CASP6: variants seen among roughly 807,000 people sequenced by gnomAD.
CASP6 encodes caspase-6.
A neutral mutation model predicts 31.8 loss-of-function variants in CASP6; 20 were observed. The ratio of observed to expected loss-of-function variants is 0.63; its 90% CI spans 0.44 to 0.91. The LOEUF (loss-of-function observed/expected upper bound fraction) is 0.91. Ranked by LOEUF, CASP6 falls within the 40% of genes least tolerant of loss-of-function variation. The pLI is 0.00. For synonymous variants in CASP6, 130 were observed against 127.8 expected (o/e 1.02, Z -0.12); for missense variants, 328 against 361.1 (o/e 0.91, Z 0.74).
chr4:109,702,143 G>C (rs1730439128), intron 1 of CASP6, among the ~76,000 whole-genome samples: 1 of 152,164 alleles, frequency 6.6e-6, no homozygotes, highest in African/African-American at 2.4e-5. Context: ...GAAAGCCCCG[G>C]CTTCCCGCCC....
upstream of CASP6, among the ~76,000 whole-genome samples, chr4:109,706,132 TA>T: frequency 3.7e-4 from 2 of 5,470 alleles, no homozygotes; most frequent in Non-Finnish European, 9.4e-4. Context: ...CTATCCATTT[TA>T]TATATATATA....
At chr4:109,694,772 T>C in intron 4 of CASP6, 72 bp from the exon 5 acceptor site, 3 of 1,345,232 alleles carry the variant, frequency 2.2e-6, no homozygotes, top group Non-Finnish European at 3.0e-6. Flanking sequence ...AAATTCAGTT[T>C]ATTAACACAA....
downstream of CASP6, chr4:109,685,112 CTCT>C: frequency 5.4e-6 from 3 of 550,708 alleles, no homozygotes; most frequent in South Asian, 8.4e-5. Flanking sequence ...CTTATGCTTA[CTCT>C]CATGGCCATT....
chr4:109,677,802 A>ATTTTTTTTTTTTTTTTTTTT, the CASP6 span, among the ~76,000 whole-genome samples: 2 of 86,606 alleles, frequency 2.3e-5, no homozygotes, highest in African/African-American at 4.7e-5. Flanking sequence ...AAGGAAACAA[A>ATTTTTTTTTTTTTTTTTTTT]TTTTTTTTTT....
chr4:109,695,096 G>C (rs1023217720), intron 4 of CASP6, among the ~76,000 whole-genome samples: 3 of 152,166 alleles, frequency 2.0e-5, no homozygotes, highest in Non-Finnish European at 2.9e-5. Flanking sequence ...CTCCCAAAGT[G>C]CTGGGATTAC....
At position 109,697,232 on chromosome 4, in the gene CASP6, ATTTT is replaced by A. The variant is rs5030553; in HGVS notation, c.230+386_230+389del. Among the ~76,000 whole-genome samples the A allele has an allele frequency of 3.6e-3, 548 of 151,814 alleles. 6 individuals are homozygous for A. Among genetic ancestry groups the A allele is most frequent in the East Asian group, 0.013 (67 of 5,158 alleles). On this transcript the variant is annotated intron_variant, in intron 3 of 6. Transcript: ENST00000265164. ...AAGTCTGGAATTTTTTTAATTTTTA[ATTTT>A]TTTTAACTTTTCATTTGGAAACATG...
At chr4:109,677,894 A>T in the CASP6 span, among the ~76,000 whole-genome samples, 2 of 141,800 alleles carry the variant, frequency 1.4e-5, no homozygotes, top group South Asian at 4.5e-4. Context: ...ATAGGATAAT[A>T]GTGGAGAGAA....
At chr4:109,690,537 T>G (rs867767071) in intron 6 of CASP6, among the ~76,000 whole-genome samples, 1 of 150,554 alleles carries the variant, frequency 6.6e-6, no homozygotes, top group Non-Finnish European at 1.5e-5. Context: ...AAAAAAAAAA[T>G]TAAAGCTTTC....
At chr4:109,666,893 T>G in the CASP6 span, among the ~76,000 whole-genome samples, 1 of 152,210 alleles carries the variant, frequency 6.6e-6, no homozygotes, top group Non-Finnish European at 1.5e-5. Context: ...ATGGATTACA[T>G]GAATTCATAT....
upstream of CASP6, among the ~76,000 whole-genome samples, chr4:109,708,451 C>T (rs1730663434): frequency 6.6e-6 from 1 of 152,242 alleles, no homozygotes; most frequent in South Asian, 2.1e-4. Flanking sequence ...TCCTCATTAC[C>T]TACCCCAGTT....
chr4:109,701,266 G>A (rs940728591), intron 1 of CASP6, among the ~76,000 whole-genome samples: 2 of 152,010 alleles, frequency 1.3e-5, no homozygotes, highest in African/African-American at 4.8e-5. Flanking sequence ...CCCGGCCTGC[G>A]TTAATATTTA....
chr4:109,695,223 C>T (rs1730200922), intron 4 of CASP6, among the ~76,000 whole-genome samples: 1 of 151,964 alleles, frequency 6.6e-6, no homozygotes, highest in Admixed American at 6.5e-5. Context: ...TTAAAAAAAT[C>T]CAAATTTATT....
At chr4:109,706,032 A>T (rs1224104069), upstream of CASP6, among the ~76,000 whole-genome samples, 3 of 93,832 alleles carry the variant, frequency 3.2e-5, no homozygotes, top group Admixed American at 1.1e-4. Context: ...ATATATATAT[A>T]ATATATATAA....
chr4:109,705,813 A>T (rs1457001776), upstream of CASP6, among the ~76,000 whole-genome samples: 4 of 139,170 alleles, frequency 2.9e-5, no homozygotes, highest in East Asian at 2.1e-4. Flanking sequence ...TGTCTCTACA[A>T]TTTTTTTTTT....
intron 3 of CASP6, among the ~76,000 whole-genome samples, chr4:109,696,851 T>C (rs1730259106): frequency 6.6e-6 from 1 of 150,578 alleles, no homozygotes; most frequent in Non-Finnish European, 1.5e-5. Context: ...AGTGGCTTGA[T>C]CTTGGCTCAC....
the CASP6 span, among the ~76,000 whole-genome samples, chr4:109,667,434 C>G: frequency 6.6e-6 from 1 of 151,854 alleles, no homozygotes; most frequent in Non-Finnish European, 1.5e-5. Context: ...GTTAAATCCT[C>G]TCATTTCATT....
chr4:109,687,662 C>G (rs752332370), downstream of CASP6: 2 of 891,488 alleles, frequency 2.2e-6, no homozygotes, highest in Non-Finnish European at 3.7e-6. Context: ...GTTTTTGAGT[C>G]CCATGGTTCA....
downstream of CASP6, chr4:109,684,992 T>G (rs909466786): frequency 4.1e-5 from 16 of 393,890 alleles, no homozygotes; most frequent in East Asian, 6.6e-4. Context: ...AAAATCTCCC[T>G]TTTCTTATTT....
At chr4:109,666,881 T>G in the CASP6 span, among the ~76,000 whole-genome samples, 1 of 152,214 alleles carries the variant, frequency 6.6e-6, no homozygotes, top group African/African-American at 2.4e-5. Flanking sequence ...TCTGTTGATA[T>G]GATGGATTAC....
Sources: gnomAD v4.1 joint callset for allele counts (sites outside exome capture counted in the v4.1 genomes callset) on GRCh38, gnomAD v4.1.1 for gene constraint, MANE v1.5 for transcripts, NCBI Gene and HGNC (gene_info 2026-07-23, HGNC 2026-07-21) for gene names.